MTF1: variants seen among roughly 807,000 people sequenced by gnomAD.
MTF1 encodes MRE-binding transcription factor.
Under a neutral mutation model 70.4 loss-of-function variants are expected in MTF1, and 22 were observed. The observed-to-expected ratio is 0.31, with a 90% CI of 0.22 to 0.45. The LOEUF is 0.45. Among genes scored for constraint, MTF1 ranks in the 20% least tolerant of loss-of-function variants. The probability of loss-of-function intolerance (pLI) is 1.00; values close to 1 mark genes in which losing one functional copy is unlikely to be tolerated. For synonymous variants in MTF1, 333 were observed against 352.8 expected (o/e 0.94, Z 0.63); for missense variants, 649 against 922.0 (o/e 0.70, Z 3.83).
chr1:37,823,111 C>G (rs1162528459), intron 8 of MTF1, among the ~76,000 whole-genome samples: 2 of 152,088 alleles, frequency 1.3e-5, no homozygotes, highest in African/African-American at 4.8e-5. Context: ...TGGGTCCTGT[C>G]CATTCACAGA....
At chr1:37,835,894 G>A (rs1159578437) in intron 4 of MTF1, 150 bp from the exon 5 acceptor site, 6 of 611,688 alleles carry the variant, frequency 9.8e-6, no homozygotes, top group East Asian at 3.1e-5. Context: ...TCCACCTCCC[G>A]GGTTCATGCC....
At chr1:37,818,732 C>A (rs569693517) in intron 9 of MTF1, among the ~76,000 whole-genome samples, 1 of 149,722 alleles carries the variant, frequency 6.7e-6, no homozygotes, top group Non-Finnish European at 1.5e-5. Flanking sequence ...TGGTGGCTCA[C>A]GCCTGTAATC....
intron 4 of MTF1, among the ~76,000 whole-genome samples, chr1:37,836,708 T>C (rs928573686): frequency 1.3e-5 from 2 of 152,252 alleles, no homozygotes; most frequent in Admixed American, 1.3e-4. Context: ...TTCCTGCACA[T>C]AGCAGACATT....
chr1:37,853,497 A>G (rs1313329988), intron 2 of MTF1, among the ~76,000 whole-genome samples: 1 of 152,216 alleles, frequency 6.6e-6, no homozygotes, highest in Non-Finnish European at 1.5e-5. Context: ...AGTAGCTCCA[A>G]CAGAGACCTT....
At chr1:37,838,819 T>TTTTTTC (rs869148427) in intron 3 of MTF1, 63 bp from the exon 4 acceptor site, 1 of 1,185,150 alleles carries the variant, frequency 8.4e-7, no homozygotes, top group Non-Finnish European at 1.1e-6. Flanking sequence ...TTTTTTTTTT[T>TTTTTTC]CTGAGACAGA....
intron 2 of MTF1, among the ~76,000 whole-genome samples, chr1:37,843,150 G>A (rs564237672): frequency 6.6e-6 from 1 of 152,276 alleles, no homozygotes; most frequent in East Asian, 1.9e-4. Flanking sequence ...CATAGTAGCT[G>A]GGACTACAGG....
intron 2 of MTF1, among the ~76,000 whole-genome samples, chr1:37,849,381 G>A (rs543550862): frequency 2.6e-5 from 4 of 151,750 alleles, no homozygotes; most frequent in South Asian, 2.1e-4. Flanking sequence ...AGCCAAGATC[G>A]TGCCACTGTA....
chr1:37,836,022 G>C (rs1045045632), intron 4 of MTF1, among the ~76,000 whole-genome samples: 5 of 152,070 alleles, frequency 3.3e-5, no homozygotes, highest in Non-Finnish European at 7.4e-5. Flanking sequence ...GGATGGTCTC[G>C]ATCTCCTGAC....
intron 7 of MTF1, among the ~76,000 whole-genome samples, chr1:37,827,764 G>A (rs139542379): frequency 1.3e-5 from 2 of 152,278 alleles, no homozygotes; most frequent in Non-Finnish European, 2.9e-5. Context: ...AATTAAAAAC[G>A]AATGAGCTAT....
At chr1:37,858,658 T>C (rs1415507912) in intron 1 of MTF1, 2 of 152,252 alleles carry the variant, frequency 1.3e-5, no homozygotes, top group Admixed American at 6.5e-5. Context: ...TATTTTTGTT[T>C]CTACAGCTCC....
At chr1:37,819,180 T>C (rs1176765173) in intron 9 of MTF1, among the ~76,000 whole-genome samples, 1 of 152,186 alleles carries the variant, frequency 6.6e-6, no homozygotes, top group African/African-American at 2.4e-5. Flanking sequence ...ATGTATTTTC[T>C]TTATCAATTA....
chr1:37,815,682 G>T lies in MTF1; in HGVS notation c.1832-116C>A. The T allele has an allele frequency of 1.3e-6, 1 of 774,556 alleles. No homozygotes were observed. The highest frequency in any genetic ancestry group is 2.0e-6 in the Non-Finnish European group (1 of 495,860). The allele number at this position is 774,556 out of a possible 1,614,324, so 48.0% of individuals were successfully genotyped here. On this transcript the variant is annotated intron_variant, in intron 10 of 10. Transcript: ENST00000373036. The surrounding 1 kb of genome is among the most constrained non-coding windows in gnomAD (Gnocchi z 4.5). ...TGCCATGGGAACCATGGGAAGGATGGTTGCCACACTTCGGGCTTCGTTCTG... is the reference window on the plus strand; with the variant it reads ...TGCCATGGGAACCATGGGAAGGATGTTTGCCACACTTCGGGCTTCGTTCTG...
chr1:37,824,475 A>C (rs1227505388), intron 7 of MTF1, among the ~76,000 whole-genome samples: 6 of 152,254 alleles, frequency 3.9e-5, no homozygotes, highest in African/African-American at 1.4e-4. Flanking sequence ...GGGCGGGCAG[A>C]TCACCTGAGG....
Position 37,838,678 on chromosome 1 carries a change from T to C in MTF1, c.726A>G (p.Thr242=). 1 of 1,612,792 alleles carries C rather than the reference T, an allele frequency of 6.2e-7. No homozygotes were observed. The highest frequency in any genetic ancestry group is 1.1e-5 in the South Asian group (1 of 91,010). Reference sequence around the variant, plus strand: ...GAATGTGCTTCCTCAGATCACTGAGTGTGGTGAAGTATTTGCTGCAGCCTT... The same window carrying C: ...GAATGTGCTTCCTCAGATCACTGAGCGTGGTGAAGTATTTGCTGCAGCCTT... ...ESEGCSKYFT[T]LSDLRKHIRT... The change falls in exon 4 of 11, where the codon ACA becomes ACG. Residue 242 remains threonine (T), a synonymous_variant. Transcript: ENST00000373036.
chr1:37,858,781 T>A (rs1398532360), intron 1 of MTF1, among the ~76,000 whole-genome samples: 1 of 152,238 alleles, frequency 6.6e-6, no homozygotes, highest in African/African-American at 2.4e-5. Context: ...AGATACATTC[T>A]CTTGAGAAAA....
chr1:37,818,499 T>C (rs1640856180), intron 9 of MTF1, among the ~76,000 whole-genome samples: 2 of 150,450 alleles, frequency 1.3e-5, no homozygotes, highest in African/African-American at 2.5e-5. Context: ...GGTCAGGAGA[T>C]CGAGACCATC....
intron 3 of MTF1, among the ~76,000 whole-genome samples, chr1:37,839,603 T>C (rs903365930): frequency 1.3e-5 from 2 of 152,176 alleles, no homozygotes; most frequent in Non-Finnish European, 2.9e-5. Flanking sequence ...CAAGGGGAGA[T>C]AGTACTCTAT....
intron 7 of MTF1, among the ~76,000 whole-genome samples, chr1:37,825,668 CT>C (rs1167983171): frequency 2.0e-5 from 3 of 152,118 alleles, no homozygotes; most frequent in African/African-American, 4.8e-5. Context: ...TCTGCCACCC[CT>C]GACACAGCAA....
intron 7 of MTF1, chr1:37,828,093 A>G (rs1641031321): frequency 2.8e-6 from 1 of 354,916 alleles, no homozygotes; most frequent in African/African-American, 2.2e-5. Flanking sequence ...ATGTAATAAT[A>G]TGGCTTAATT....
Sources: gnomAD v4.1 joint callset for allele counts (sites outside exome capture counted in the v4.1 genomes callset) on GRCh38, gnomAD v4.1.1 for gene constraint, Gnocchi (gnomAD v3.1) non-coding constraint, MANE v1.5 for transcripts, NCBI Gene and HGNC (gene_info 2026-07-23, HGNC 2026-07-21) for gene names.